DPYSL4: variants seen among roughly 807,000 people sequenced by gnomAD.
DPYSL4 encodes dihydropyrimidinase-related protein 4.
DPYSL4 carries 43 observed loss-of-function variants against 63.4 expected under a neutral mutation model. The ratio of observed to expected loss-of-function variants is 0.68; its 90% CI spans 0.53 to 0.88. The LOEUF is 0.88. DPYSL4 is among the 40% of genes least tolerant of loss of function. The probability of loss-of-function intolerance (pLI) is 0.00; values close to 1 mark genes in which losing one functional copy is unlikely to be tolerated. For missense variants in DPYSL4, 733 were observed against 819.5 expected (o/e 0.89, Z 1.29); for synonymous variants, 353 against 331.7 (o/e 1.06, Z -0.70).
At position 132,190,780 on chromosome 10, in the gene DPYSL4, G is replaced by T; in HGVS notation, c.73G>T (p.Val25Leu). ...CCTTCTGATCAGAGGTGGGAGGATC[G>T]TGAATGACGACCAGTCCTTTTACGC... Reference protein sequence around the residue: ...DRLLIRGGRIVNDDQSFYADV... With the variant: ...DRLLIRGGRILNDDQSFYADV... The change falls in exon 2 of 14, where the codon GTG becomes TTG. Residue 25 changes from valine to leucine, a missense_variant. Val to Leu is a conservative substitution (Grantham distance 32, BLOSUM62 1). Transcript: ENST00000338492. 1.2e-6 allele frequency: 2 copies of T among 1,613,610 alleles called. No individual in the cohort carries two copies. The highest frequency in any genetic ancestry group is 1.7e-6 in the Non-Finnish European group (2 of 1,179,680).
intron 12 of DPYSL4, among the ~76,000 whole-genome samples, chr10:132,203,220 AT>A (rs1457059106): frequency 6.6e-6 from 1 of 152,080 alleles, no homozygotes; most frequent in Non-Finnish European, 1.5e-5. Context: ...GTGCACGCTG[AT>A]TTGTGGACTG....
At chr10:132,187,635 G>A (rs539190548) in intron 1 of DPYSL4, among the ~76,000 whole-genome samples, 451 of 152,336 alleles carry the variant, frequency 3.0e-3, no homozygotes, top group Non-Finnish European at 3.9e-3. Flanking sequence ...CCGAGACAAA[G>A]CGATTTAGCC....
chr10:132,198,514 A>C, intron 7 of DPYSL4, 31 bp downstream of exon 7: 1 of 1,571,920 alleles, frequency 6.4e-7, no homozygotes, highest in Non-Finnish European at 8.6e-7. Context: ...AGCACACCCG[A>C]GCCAACTCCG....
Position 132,197,061 on chromosome 10 carries a change from T to C in DPYSL4, c.581T>C (p.Leu194Ser). The C allele has an allele frequency of 6.4e-7, 1 of 1,572,876 alleles. No homozygotes were observed. The highest frequency in any genetic ancestry group is 8.6e-7 in the Non-Finnish European group (1 of 1,157,774). The change falls in exon 6 of 14, where the codon TTG becomes TCG. Residue 194 changes from leucine (L) to serine (S), a missense_variant. Leu to Ser is a moderately radical substitution (Grantham distance 145, BLOSUM62 -2). Coordinates refer to ENST00000338492, the MANE Select transcript of DPYSL4 (RefSeq NM_006426.3). ...AGCATCATCCGGGACCTGGGGGCCTTGGCCCAGGTGCACGCTGAGAACGGG... is the reference window on the plus strand; with the variant it reads ...AGCATCATCCGGGACCTGGGGGCCTCGGCCCAGGTGCACGCTGAGAACGGG... ...IFSIIRDLGA[L>S]AQVHAENGDI...
In DPYSL4 at chr10:132,203,884, C is replaced by A; in HGVS notation, c.1584C>A (p.Val528=). ...ARASCPGKIS[V]PPVRNLHQSG... Reference sequence around the variant, plus strand: ...CGTCCTGCCCAGGCAAGATCTCCGTCCCTCCTGTGCGCAACCTACATCAGT... The same window carrying A: ...CGTCCTGCCCAGGCAAGATCTCCGTACCTCCTGTGCGCAACCTACATCAGT... Residue 528 remains valine (V), a synonymous_variant, in exon 13 of 14, where the codon GTC becomes GTA. Transcript: ENST00000338492. 1 of 1,612,326 alleles carries A rather than the reference C, an allele frequency of 6.2e-7. No individual in the cohort carries two copies. The highest frequency in any genetic ancestry group is 8.5e-7 in the Non-Finnish European group (1 of 1,179,254).
chr10:132,200,618 C>A, intron 9 of DPYSL4, 106 bp downstream of exon 9: 1 of 1,472,072 alleles, frequency 6.8e-7, no homozygotes. Flanking sequence ...ATAGGGCAGC[C>A]CGGACAGTGG....
At chr10:132,204,782 T>G in intron 13 of DPYSL4, 57 bp from the exon 14 acceptor site, 1 of 1,486,154 alleles carries the variant, frequency 6.7e-7, no homozygotes, top group Non-Finnish European at 9.1e-7. Flanking sequence ...ACGCCTTGAA[T>G]AGAAGGGCCC....
chr10:132,196,709 G>T, intron 4 of DPYSL4, 152 bp from the exon 5 acceptor site: 1 of 806,864 alleles, frequency 1.2e-6, no homozygotes, highest in East Asian at 2.6e-5. Flanking sequence ...CATGGAAGCG[G>T]GGGACTGCTC....
rs756763860 is a variant in DPYSL4 at position 132,192,676 on chromosome 10, C to T, written c.147C>T (p.Leu49=). 12 of 1,606,284 alleles carry T rather than the reference C, an allele frequency of 7.5e-6. 1 individual carries two copies. The South Asian group carries it at 1.3e-4, about 18-fold the overall frequency. ...DGLIKQIGEN[L]IVPGGIKTID... ...CTTTCAGACAAATCGGAGAAAACCT[C>T]ATCGTCCCTGGGGGCATCAAGACCA... is the stretch of plus-strand genomic sequence containing the variant. Residue 49 remains leucine, a synonymous_variant, in exon 3 of 14, where the codon CTC becomes CTT. Transcript: ENST00000338492.
intron 8 of DPYSL4, among the ~76,000 whole-genome samples, chr10:132,199,869 G>A (rs2061989863): frequency 6.6e-6 from 1 of 151,974 alleles, no homozygotes; most frequent in Non-Finnish European, 1.5e-5. Context: ...CAGCAGGCCA[G>A]GCCCTTCTCA....
intron 6 of DPYSL4, among the ~76,000 whole-genome samples, chr10:132,197,739 C>T (rs934114783): frequency 2.0e-5 from 3 of 152,202 alleles, no homozygotes; most frequent in African/African-American, 7.2e-5. Context: ...CGGGCTCTGC[C>T]CACCTCCTGA....
chr10:132,204,061 T>C, intron 13 of DPYSL4, 134 bp downstream of exon 13: 1 of 1,204,096 alleles, frequency 8.3e-7, no homozygotes, highest in Non-Finnish European at 1.2e-6. Flanking sequence ...GGGCAGGAGA[T>C]GCTGCTGGGG....
intron 1 of DPYSL4, among the ~76,000 whole-genome samples, chr10:132,187,879 G>A (rs917994364): frequency 6.6e-6 from 1 of 152,190 alleles, no homozygotes; most frequent in Non-Finnish European, 1.5e-5. Context: ...TGGGAGGAAG[G>A]AGGCTTCGGG....
Position 132,202,700 on chromosome 10 carries a change from G to A in DPYSL4, c.1336G>A (p.Val446Ile), listed in dbSNP as rs1406038896. Reference sequence around the variant, plus strand: ...GGAGTGCCGGGGAGCGCCTGCCGTGGTCATAAGTCAGGGCCGAGTGGCGCT... The same window carrying A: ...GGAGTGCCGGGGAGCGCCTGCCGTGATCATAAGTCAGGGCCGAGTGGCGCT... ...GVECRGAPAV[V>I]ISQGRVALED... The change falls in exon 12 of 14, where the codon GTC becomes ATC. Residue 446 changes from valine to isoleucine, a missense_variant. Transcript: ENST00000338492. 3 of 1,613,294 alleles carry A rather than the reference G, an allele frequency of 1.9e-6. No individual in the cohort carries two copies. Among genetic ancestry groups the A allele is most frequent in the Admixed American group, 3.3e-5 (2 of 59,996 alleles).
At position 132,201,937 on chromosome 10, in the gene DPYSL4, G is replaced by A. The variant is rs201506478; in HGVS notation, c.1111-9G>A. The A allele has an allele frequency of 6.2e-7, 1 of 1,608,226 alleles. No homozygotes were observed. The highest frequency in any genetic ancestry group is 2.2e-5 in the East Asian group (1 of 44,786). On this transcript the variant is annotated splice_polypyrimidine_tract_variant and intron_variant, in intron 10 of 13. Coordinates refer to ENST00000338492, the MANE Select transcript of DPYSL4 (RefSeq NM_006426.3). ...CCGTCGCCCTCAGCTCAGCCTTCTT[G>A]TTCCCCAGGCCTCTGGGAAGATGGA... is the stretch of plus-strand genomic sequence containing the variant.
In DPYSL4 at chr10:132,193,979, C is replaced by T. The variant is rs528280757; in HGVS notation, c.314-866C>T. ...GCGCCCTTCAGGGGGCGGCCCAAGCCGGTCAGGACGTCTGCACAGTCGAGA... is the reference window on the plus strand; with the variant it reads ...GCGCCCTTCAGGGGGCGGCCCAAGCTGGTCAGGACGTCTGCACAGTCGAGA... On this transcript the variant is annotated intron_variant, in intron 3 of 13. Transcript: ENST00000338492. 1.4e-4 allele frequency among the ~76,000 whole-genome samples: 22 copies of T among 152,380 alleles called. No individual in the cohort carries two copies. The South Asian group carries it at 3.7e-3, about 26-fold the overall frequency.
chr10:132,199,031 GC>G, intron 8 of DPYSL4, 60 bp downstream of exon 8: 5 of 1,565,806 alleles, frequency 3.2e-6, no homozygotes, highest in Non-Finnish European at 4.3e-6. Flanking sequence ...CCTGGGTGCA[GC>G]CCTGGGGAGA....
In DPYSL4 at chr10:132,202,683, G is replaced by A. The variant is rs143019603; in HGVS notation, c.1319G>A (p.Arg440Gln). 290 of 1,613,062 alleles carry A rather than the reference G, an allele frequency of 1.8e-4. 2 individuals are homozygous for A. The highest frequency in any genetic ancestry group is 3.0e-4 in the South Asian group (27 of 91,086). Residue 440 changes from arginine to glutamine, a missense_variant, in exon 12 of 14, where the codon CGG (arginine) becomes CAG (glutamine). Physicochemically the swap from Arg to Gln is conservative, Grantham distance 43. Coordinates refer to ENST00000338492, the MANE Select transcript of DPYSL4 (RefSeq NM_006426.3). ...EYNIFEGVEC[R>Q]GAPAVVISQG... ...AACATCTTCGAGGGAGTGGAGTGCC[G>A]GGGAGCGCCTGCCGTGGTCATAAGT...
At chr10:132,192,476 G>A (rs1398050969) in intron 2 of DPYSL4, 182 bp from the exon 3 acceptor site, 92 of 1,360,922 alleles carry the variant, frequency 6.8e-5, no homozygotes, top group South Asian at 3.9e-4. Flanking sequence ...CCTGAGCTGC[G>A]CTGAGTGATG....
Sources: allele counts gnomAD v4.1 joint callset (sites outside exome capture counted in the v4.1 genomes callset), GRCh38; gene constraint gnomAD v4.1.1; transcripts MANE v1.5; gene names NCBI Gene and HGNC (gene_info 2026-07-23, HGNC 2026-07-21).